NEGR1: variants seen among roughly 807,000 people sequenced by gnomAD.
NEGR1 encodes neuronal growth regulator 1.
A neutral mutation model predicts 40.9 loss-of-function variants in NEGR1; 10 were observed. That is an observed-to-expected ratio of 0.24 (90% CI 0.15 to 0.42). The LOEUF is 0.42. Ranked by LOEUF, NEGR1 falls within the 10% of genes least tolerant of loss-of-function variation. The probability of loss-of-function intolerance (pLI) is 1.00; values close to 1 mark genes in which losing one functional copy is unlikely to be tolerated. For missense variants in NEGR1, 352 were observed against 438.9 expected, an observed-to-expected ratio of 0.80 and a Z score of 1.77; for synonymous variants, 185 against 166.8, an observed-to-expected ratio of 1.11 and a Z score of -0.84.
intron 1 of NEGR1, among the ~76,000 whole-genome samples, chr1:71,990,903 C>CATAT (rs751558775): frequency 1.6e-5 from 2 of 123,190 alleles, no homozygotes; most frequent in Admixed American, 8.4e-5. Context: ...TAGGCATATA[C>CATAT]ATATATATAT....
At chr1:71,726,814 G>A (rs773688098) in intron 3 of NEGR1, among the ~76,000 whole-genome samples, 1 of 151,998 alleles carries the variant, frequency 6.6e-6, no homozygotes, top group Non-Finnish European at 1.5e-5. Flanking sequence ...AGTAGAGTCA[G>A]CCTATCCTAA....
intron 6 of NEGR1, among the ~76,000 whole-genome samples, chr1:71,435,039 C>T (rs1044199836): frequency 4.0e-5 from 6 of 151,582 alleles, no homozygotes; most frequent in African/African-American, 7.3e-5. Context: ...TGCAGTGAGC[C>T]GAGATTGCGC....
At chr1:71,449,767 C>G (rs1362756359) in intron 6 of NEGR1, among the ~76,000 whole-genome samples, 2 of 151,916 alleles carry the variant, frequency 1.3e-5, no homozygotes, top group Non-Finnish European at 2.9e-5. Context: ...TTGATATGCT[C>G]GAGGTTACAT....
intron 4 of NEGR1, among the ~76,000 whole-genome samples, chr1:71,626,621 C>G (rs1019709781): frequency 6.6e-6 from 1 of 151,910 alleles, no homozygotes; most frequent in South Asian, 2.1e-4. Context: ...GCAATGGCAA[C>G]AAAAGCCAAA....
At chr1:71,657,411 C>T (rs2101587650) in intron 4 of NEGR1, among the ~76,000 whole-genome samples, 1 of 152,284 alleles carries the variant, frequency 6.6e-6, no homozygotes, top group East Asian at 1.9e-4. Context: ...CATGAATGCT[C>T]ACTTTTTCAT....
At chr1:71,450,820 GA>G (rs112434335) in intron 6 of NEGR1, among the ~76,000 whole-genome samples, 12 of 141,074 alleles carry the variant, frequency 8.5e-5, no homozygotes, top group South Asian at 2.3e-4. Flanking sequence ...GGGAAAAAAA[GA>G]AAAAAAAAAG....
chr1:71,881,190 A>C (rs1442862823), intron 2 of NEGR1, among the ~76,000 whole-genome samples: 1 of 152,040 alleles, frequency 6.6e-6, no homozygotes, highest in African/African-American at 2.4e-5. Flanking sequence ...TAGGACCCTA[A>C]ATATATAAAT....
At chr1:71,427,764 C>T (rs930416274) in intron 6 of NEGR1, among the ~76,000 whole-genome samples, 3 of 152,124 alleles carry the variant, frequency 2.0e-5, no homozygotes, top group African/African-American at 7.2e-5. Context: ...GGAATTTTGC[C>T]AACTGTAAAA....
chr1:71,481,961 T>G (rs1010859296), intron 6 of NEGR1, among the ~76,000 whole-genome samples: 1 of 151,894 alleles, frequency 6.6e-6, no homozygotes, highest in Non-Finnish European at 1.5e-5. Flanking sequence ...CTTTAGTTTT[T>G]GGAAACTAGC....
intron 4 of NEGR1, among the ~76,000 whole-genome samples, chr1:71,673,799 TA>T (rs1406852892): frequency 1.1e-4 from 1 of 9,370 alleles, no homozygotes; most frequent in African/African-American, 1.2e-4. Context: ...CCATTAATGA[TA>T]TTTTTTTTTA....
At chr1:71,553,140 G>C (rs1648141164) in intron 6 of NEGR1, among the ~76,000 whole-genome samples, 1 of 151,236 alleles carries the variant, frequency 6.6e-6, no homozygotes, top group African/African-American at 2.4e-5. Flanking sequence ...CTAGAAATAA[G>C]AGTATATTTG....
At chr1:72,054,154 A>G (rs371283334) in intron 1 of NEGR1, among the ~76,000 whole-genome samples, 75 of 151,532 alleles carry the variant, frequency 4.9e-4, no homozygotes, top group African/African-American at 1.7e-3. Context: ...ATAAAATTCT[A>G]AAGGAAATGT....
chr1:71,422,637 C>T (rs1557520627), intron 6 of NEGR1: 1 of 152,068 alleles, frequency 6.6e-6, no homozygotes, highest in Non-Finnish European at 1.5e-5. Context: ...AGGAAAAGAA[C>T]TGAAGAAAGG....
At chr1:72,113,118 G>A (rs1649441655) in intron 1 of NEGR1, among the ~76,000 whole-genome samples, 2 of 151,694 alleles carry the variant, frequency 1.3e-5, no homozygotes, top group Non-Finnish European at 2.9e-5. Context: ...CTGACACATA[G>A]AAGCACAGTG....
intron 1 of NEGR1, among the ~76,000 whole-genome samples, chr1:72,035,335 C>T (rs181531300): frequency 6.6e-6 from 1 of 152,274 alleles, no homozygotes; most frequent in African/African-American, 2.4e-5. Context: ...TCTTTCTCAA[C>T]TATGACAAAG....
chr1:71,565,518 C>A (rs905498651), intron 6 of NEGR1, among the ~76,000 whole-genome samples: 1 of 152,092 alleles, frequency 6.6e-6, no homozygotes, highest in Non-Finnish European at 1.5e-5. Flanking sequence ...CTCTGCAGAG[C>A]ACATTTCCTC....
chr1:71,984,910 G>A (rs768217593), intron 1 of NEGR1, among the ~76,000 whole-genome samples: 68 of 151,954 alleles, frequency 4.5e-4, no homozygotes, highest in Admixed American at 7.2e-4. Context: ...AATGAACCGA[G>A]CATAATTTTA....
chr1:71,665,814 G>T (rs1652223056), intron 4 of NEGR1, among the ~76,000 whole-genome samples: 1 of 152,042 alleles, frequency 6.6e-6, no homozygotes, highest in South Asian at 2.1e-4. Flanking sequence ...ATATCTTATA[G>T]ATAGAACACG....
In NEGR1 at chr1:71,867,369, C is replaced by T. The variant is rs530997175; in HGVS notation, c.409+67710G>A. 1.4e-4 allele frequency among the ~76,000 whole-genome samples: 21 copies of T among 152,214 alleles called. No individual in the cohort carries two copies. The South Asian group carries it at 3.9e-3, about 29-fold the overall frequency. Reference sequence around the variant, plus strand: ...CACCCTGGGCGAAAGAGTGAGACTCCGTCGAGGGAGGGGACGAGGGGATTC... The same window carrying T: ...CACCCTGGGCGAAAGAGTGAGACTCTGTCGAGGGAGGGGACGAGGGGATTC... On this transcript the variant is annotated intron_variant, in intron 2 of 6. Coordinates refer to ENST00000357731, the MANE Select transcript of NEGR1 (RefSeq NM_173808.3).
Sources: allele counts gnomAD v4.1 joint callset (sites outside exome capture counted in the v4.1 genomes callset), GRCh38; gene constraint gnomAD v4.1.1; transcripts MANE v1.5; gene names NCBI Gene and HGNC (gene_info 2026-07-23, HGNC 2026-07-21).